The following STX18 variants were observed in gnomAD, a reference collection of about 807,000 sequenced individuals.
The protein encoded by STX18 is syntaxin-18.
A neutral mutation model predicts 50.1 loss-of-function variants in STX18; 40 were observed. The ratio of observed to expected loss-of-function variants is 0.80; its 90% CI spans 0.62 to 1.04. STX18 has a LOEUF of 1.04. STX18 is among the 50% of genes least tolerant of loss of function. The probability of loss-of-function intolerance (pLI) is 0.00; values close to 1 mark genes in which losing one functional copy is unlikely to be tolerated. For missense variants in STX18, 410 were observed against 415.8 expected (o/e 0.99, Z 0.12); for synonymous variants, 158 against 151.8 (o/e 1.04, Z -0.30).
rs201072624 is a variant in STX18, at chr4:4,511,758, GTGTA to G, written c.168+30035_168+30038del. ...TGTGTGTGTGTGTGTGTGTGTGTGT[GTGTA>G]TGCCCCTAGGTTAAGGTCCTCTTAA... On this transcript the variant is annotated intron_variant, in intron 1 of 10. Transcript: ENST00000306200. Among the ~76,000 whole-genome samples, 182 of 131,978 alleles carry G rather than the reference GTGTA, an allele frequency of 1.4e-3. 1 individual carries two copies. Among genetic ancestry groups the G allele is most frequent in the African/African-American group, 2.0e-3 (59 of 29,754 alleles). The allele number at this position is 131,978 out of a possible 152,430, so 86.6% of individuals were successfully genotyped here.
intron 7 of STX18, 143 bp from the exon 8 acceptor site, chr4:4,425,365 C>A: frequency 1.4e-6 from 1 of 716,202 alleles, no homozygotes; most frequent in South Asian, 1.6e-5. Flanking sequence ...GCTGGACGAC[C>A]GTTAGCATTA....
At chr4:4,504,752 G>A (rs1729620853) in intron 1 of STX18, among the ~76,000 whole-genome samples, 3 of 152,166 alleles carry the variant, frequency 2.0e-5, no homozygotes, top group African/African-American at 7.2e-5. Flanking sequence ...TAACAATGAT[G>A]TATCACTACA....
At chr4:4,517,324 C>G (rs540443836) in intron 1 of STX18, among the ~76,000 whole-genome samples, 6 of 152,176 alleles carry the variant, frequency 3.9e-5, no homozygotes, top group African/African-American at 1.4e-4. Flanking sequence ...TAGAAACACC[C>G]CAACATCAGA....
chr4:4,512,563 ACTG>A (rs138504255), intron 1 of STX18, among the ~76,000 whole-genome samples: 364 of 152,276 alleles, frequency 2.4e-3, no homozygotes, highest in Middle Eastern at 0.014. Flanking sequence ...ACAATCATCT[ACTG>A]CTGATTAACA....
intron 9 of STX18, among the ~76,000 whole-genome samples, chr4:4,422,697 AG>A (rs1490380713): frequency 6.6e-6 from 1 of 152,192 alleles, no homozygotes; most frequent in African/African-American, 2.4e-5. Flanking sequence ...GGTTTGAAGC[AG>A]GGTAGTGTTA....
chr4:4,491,420 A>T (rs1270497282), intron 1 of STX18, among the ~76,000 whole-genome samples: 1 of 152,186 alleles, frequency 6.6e-6, no homozygotes, highest in Non-Finnish European at 1.5e-5. Context: ...CGTAGGAAAA[A>T]GGATATATAT....
chr4:4,451,857 C>T (rs914611325), intron 5 of STX18, among the ~76,000 whole-genome samples: 4 of 152,100 alleles, frequency 2.6e-5, no homozygotes, highest in South Asian at 2.1e-4. Flanking sequence ...AGAAGAGTTG[C>T]GTATCACTCA....
At chr4:4,529,286 A>G (rs6818850) in intron 1 of STX18, among the ~76,000 whole-genome samples, 372 of 152,220 alleles carry the variant, frequency 2.4e-3, no homozygotes, top group Middle Eastern at 0.014. Flanking sequence ...GGAGTGAACC[A>G]GGGAGGCGGA....
At chr4:4,525,302 T>C (rs572188043) in intron 1 of STX18, among the ~76,000 whole-genome samples, 2 of 152,250 alleles carry the variant, frequency 1.3e-5, no homozygotes, top group East Asian at 1.9e-4. Flanking sequence ...GGGAAAAGAA[T>C]GAGAGGAAAT....
chr4:4,475,867 C>T (rs1728150177), intron 1 of STX18, among the ~76,000 whole-genome samples: 1 of 152,140 alleles, frequency 6.6e-6, no homozygotes, highest in Admixed American at 6.5e-5. Context: ...GTGATCCTCC[C>T]CCCTTGGCCT....
chr4:4,532,262 G>T (rs976836994), intron 1 of STX18, among the ~76,000 whole-genome samples: 4 of 152,116 alleles, frequency 2.6e-5, no homozygotes, highest in Non-Finnish European at 5.9e-5. Context: ...TCCTGACACT[G>T]GTACTAAATG....
chr4:4,524,137 T>C (rs972691239), intron 1 of STX18, among the ~76,000 whole-genome samples: 2 of 152,218 alleles, frequency 1.3e-5, no homozygotes, highest in East Asian at 1.9e-4. Context: ...TGGCATATAG[T>C]TGGTGCTTAA....
chr4:4,465,610 G>C (rs1727583624), intron 2 of STX18, among the ~76,000 whole-genome samples: 1 of 152,188 alleles, frequency 6.6e-6, no homozygotes, highest in African/African-American at 2.4e-5. Context: ...GCCTGTTGGA[G>C]GATCAGGGGT....
At chr4:4,431,939 G>A (rs1421498062) in intron 7 of STX18, among the ~76,000 whole-genome samples, 1 of 152,154 alleles carries the variant, frequency 6.6e-6, no homozygotes, top group African/African-American at 2.4e-5. Context: ...ACTATACAAT[G>A]TGCACCTCGA....
At chr4:4,451,238 C>G (rs941686734) in intron 5 of STX18, among the ~76,000 whole-genome samples, 4 of 152,192 alleles carry the variant, frequency 2.6e-5, no homozygotes, top group African/African-American at 9.7e-5. Flanking sequence ...TGAAAACCCT[C>G]AGGATTTTAT....
intron 1 of STX18, among the ~76,000 whole-genome samples, chr4:4,517,610 A>C (rs1426501379): frequency 1.3e-5 from 2 of 152,232 alleles, no homozygotes; most frequent in Non-Finnish European, 2.9e-5. Flanking sequence ...ATTTATTTAT[A>C]ACCTCTTCCT....
intron 1 of STX18, among the ~76,000 whole-genome samples, chr4:4,508,787 A>G (rs746476664): frequency 6.6e-6 from 1 of 152,044 alleles, no homozygotes; most frequent in Non-Finnish European, 1.5e-5. Flanking sequence ...TTCAGCTCCC[A>G]CTTATAAGTG....
chr4:4,500,264 A>G (rs577214412), intron 1 of STX18, among the ~76,000 whole-genome samples: 91 of 152,348 alleles, frequency 6.0e-4, no homozygotes, highest in Admixed American at 1.9e-3. Flanking sequence ...TTTTATGCAC[A>G]TAACTTGACC....
At chr4:4,475,821 A>G (rs1366917166) in intron 1 of STX18, among the ~76,000 whole-genome samples, 1 of 152,116 alleles carries the variant, frequency 6.6e-6, no homozygotes, top group Non-Finnish European at 1.5e-5. Flanking sequence ...GGGTCTTGCT[A>G]TGTTGCCCAG....
Sources: allele counts gnomAD v4.1 joint callset (sites outside exome capture counted in the v4.1 genomes callset), GRCh38; gene constraint gnomAD v4.1.1; transcripts MANE v1.5; gene names NCBI Gene and HGNC (gene_info 2026-07-23, HGNC 2026-07-21).